CHSY3: variants seen among roughly 807,000 people sequenced by gnomAD.
CHSY3 encodes the protein chondroitin sulfate synthase 3.
Under a neutral mutation model 67.2 loss-of-function variants are expected in CHSY3, and 35 were observed. The ratio of observed to expected loss-of-function variants is 0.52; its 90% confidence interval spans 0.40 to 0.69. The LOEUF (loss-of-function observed/expected upper bound fraction) is 0.69. Ranked by LOEUF, CHSY3 falls within the 30% of genes least tolerant of loss-of-function variation. The probability of loss-of-function intolerance (pLI) is 0.00; values close to 1 mark genes in which losing one functional copy is unlikely to be tolerated. For missense variants in CHSY3, 1,069 were observed against 1,138.5 expected (o/e 0.94, Z 0.88); for synonymous variants, 474 against 434.7 (o/e 1.09, Z -1.12).
chr5:130,057,582 C>A (rs1003665901), intron 2 of CHSY3, among the ~76,000 whole-genome samples: 1 of 152,074 alleles, frequency 6.6e-6, no homozygotes, highest in Non-Finnish European at 1.5e-5. Context: ...CTGTTTGTAG[C>A]ATTTTTATTC....
rs1026061587 is a variant in CHSY3 at position 130,071,076 on chromosome 5, G to A, written c.1087-113153G>A. Among the ~76,000 whole-genome samples, 4 of 151,836 alleles carry A rather than the reference G, an allele frequency of 2.6e-5. No individual in the cohort carries two copies. The South Asian group carries it at 6.2e-4, about 24-fold the overall frequency. ...TAGTAATAGATAGAGATGTTTTTTCGAGATTATATCAGTTTAGCAGTGTGG... is the reference window on the plus strand; with the variant it reads ...TAGTAATAGATAGAGATGTTTTTTCAAGATTATATCAGTTTAGCAGTGTGG... On this transcript the variant is annotated intron_variant, in intron 2 of 2. Coordinates refer to ENST00000305031, the MANE Select transcript of CHSY3 (RefSeq NM_175856.5).
At chr5:130,002,092 T>C (rs1407389012) in intron 2 of CHSY3, 3 of 956,254 alleles carry the variant, frequency 3.1e-6, no homozygotes, top group Middle Eastern at 5.3e-4. Flanking sequence ...TAAACAAAGG[T>C]GGTGCTTGGT....
chr5:130,168,423 T>C (rs1031650439), intron 2 of CHSY3, among the ~76,000 whole-genome samples: 1 of 152,124 alleles, frequency 6.6e-6, no homozygotes, highest in Non-Finnish European at 1.5e-5. Context: ...AGTAAAGAGA[T>C]GGAGGACTCC....
chr5:129,922,104 G>T (rs1760944415), intron 2 of CHSY3, among the ~76,000 whole-genome samples: 1 of 152,074 alleles, frequency 6.6e-6, no homozygotes, highest in Non-Finnish European at 1.5e-5. Context: ...TCTGTATCTG[G>T]CTCATTTCAC....
chr5:130,061,233 A>T (rs1333383135), intron 2 of CHSY3, among the ~76,000 whole-genome samples: 3 of 152,192 alleles, frequency 2.0e-5, no homozygotes, highest in Non-Finnish European at 2.9e-5. Flanking sequence ...AATGGATCAG[A>T]ATGGAGAACC....
intron 2 of CHSY3, among the ~76,000 whole-genome samples, chr5:130,013,278 T>G (rs181912262): frequency 5.5e-4 from 83 of 152,262 alleles, no homozygotes; most frequent in African/African-American, 1.4e-3. Flanking sequence ...TGTAAGCTGT[T>G]GGTGGATCTA....
chr5:129,982,047 G>A (rs1285991919), intron 2 of CHSY3, among the ~76,000 whole-genome samples: 1 of 152,082 alleles, frequency 6.6e-6, no homozygotes, highest in African/African-American at 2.4e-5. Flanking sequence ...AGACAGATAT[G>A]AATTGGTTGT....
chr5:130,017,353 T>G (rs916703056), intron 2 of CHSY3, among the ~76,000 whole-genome samples: 7 of 152,256 alleles, frequency 4.6e-5, no homozygotes, highest in Admixed American at 3.3e-4. Flanking sequence ...AGATCCCCTG[T>G]CAAACTAGTC....
At chr5:130,165,164 T>G (rs1407966598) in intron 2 of CHSY3, among the ~76,000 whole-genome samples, 1 of 152,134 alleles carries the variant, frequency 6.6e-6, no homozygotes, top group African/African-American at 2.4e-5. Context: ...GAAAGATGCC[T>G]CATGTTGCAT....
chr5:130,053,193 C>T (rs1320545900), intron 2 of CHSY3, among the ~76,000 whole-genome samples: 1 of 151,816 alleles, frequency 6.6e-6, no homozygotes, highest in Admixed American at 6.6e-5. Flanking sequence ...AGTTAGTCTC[C>T]TGAAGGAGAA....
chr5:130,109,496 C>T lies in CHSY3; in HGVS notation c.1087-74733C>T, dbSNP rs972220156. On this transcript the variant is annotated intron_variant, in intron 2 of 2. Coordinates refer to ENST00000305031, the MANE Select transcript of CHSY3 (RefSeq NM_175856.5). ...AAATTAATACATTAGAAGCTAATTT[C>T]AGCAAGGAGAACTTCTAAAATCTTT... Among the ~76,000 whole-genome samples, 3 of 151,696 alleles carry T rather than the reference C, an allele frequency of 2.0e-5. No individual in the cohort carries two copies. The South Asian group carries it at 6.2e-4, about 31-fold the overall frequency.
chr5:130,086,670 G>C (rs1258156942), intron 2 of CHSY3, among the ~76,000 whole-genome samples: 1 of 152,098 alleles, frequency 6.6e-6, no homozygotes, highest in Non-Finnish European at 1.5e-5. Context: ...CAACCAGGAA[G>C]AAGTTGAATC....
intron 2 of CHSY3, among the ~76,000 whole-genome samples, chr5:130,061,038 T>A (rs1712195980): frequency 6.6e-6 from 1 of 152,094 alleles, no homozygotes; most frequent in African/African-American, 2.4e-5. Context: ...TTCAATATCA[T>A]TTTTCATAGA....
rs145991059 is a variant in CHSY3, at chr5:129,962,232, T to A, written c.1086+53872T>A. On this transcript the variant is annotated intron_variant, in intron 2 of 2. Coordinates refer to ENST00000305031, the MANE Select transcript of CHSY3 (RefSeq NM_175856.5). ...AACCTTCAGCATCAAGCCTTGCCTTTTCTTCTCTAATCTCAGCAAATGGTA... is the reference window on the plus strand; with the variant it reads ...AACCTTCAGCATCAAGCCTTGCCTTATCTTCTCTAATCTCAGCAAATGGTA... Among the ~76,000 whole-genome samples the A allele has an allele frequency of 3.4e-3, 515 of 152,100 alleles. 2 individuals are homozygous for A. The highest frequency in any genetic ancestry group is 5.1e-3 in the Admixed American group (78 of 15,246).
rs1459410554 is a variant in CHSY3, at chr5:130,089,725, T to C, written c.1087-94504T>C. On this transcript the variant is annotated intron_variant, in intron 2 of 2. Transcript: ENST00000305031. ...TCTCATATGTTTAGAAAACTGGATTTCTCTTATTTTGTTGTATGTGTATAA... is the reference window on the plus strand; with the variant it reads ...TCTCATATGTTTAGAAAACTGGATTCCTCTTATTTTGTTGTATGTGTATAA... 2.6e-5 allele frequency among the ~76,000 whole-genome samples: 4 copies of C among 152,296 alleles called. No homozygotes were observed. The East Asian group carries it at 7.7e-4, about 29-fold the overall frequency.
rs1041244563 is a variant in CHSY3, at chr5:130,063,531, C to T, written c.1087-120698C>T. On this transcript the variant is annotated intron_variant, in intron 2 of 2. Coordinates refer to ENST00000305031, the MANE Select transcript of CHSY3 (RefSeq NM_175856.5). ...TTCATTCCTCTTGAGAACCTTTCTT[C>T]GTTATTGTTGTCATTAAATAATTGA... Among the ~76,000 whole-genome samples the T allele has an allele frequency of 2.6e-5, 4 of 152,030 alleles. 1 individual carries two copies. The South Asian group carries it at 6.2e-4, about 24-fold the overall frequency.
At position 129,963,795 on chromosome 5, in the gene CHSY3, T is replaced by C. The variant is rs1259178002; in HGVS notation, c.1086+55435T>C. On this transcript the variant is annotated intron_variant, in intron 2 of 2. Coordinates refer to ENST00000305031, the MANE Select transcript of CHSY3 (RefSeq NM_175856.5). ...ATCTTGGGTCCTATATAATGTCAGTTTTTTTTTTCCTTTAAGAGTTTGAAA... is the reference window on the plus strand; with the variant it reads ...ATCTTGGGTCCTATATAATGTCAGTCTTTTTTTTCCTTTAAGAGTTTGAAA... Among the ~76,000 whole-genome samples, 3 of 151,162 alleles carry C rather than the reference T, an allele frequency of 2.0e-5. No individual in the cohort carries two copies. In the East Asian group the frequency reaches 5.9e-4, roughly 30 times the overall value.
intron 2 of CHSY3, among the ~76,000 whole-genome samples, chr5:130,030,242 G>A (rs537178630): frequency 6.6e-6 from 1 of 152,140 alleles, no homozygotes; most frequent in East Asian, 1.9e-4. Flanking sequence ...AAGTGTCATA[G>A]TTTTCTGGTT....
At chr5:129,944,658 C>T (rs529926530) in intron 2 of CHSY3, among the ~76,000 whole-genome samples, 1 of 152,206 alleles carries the variant, frequency 6.6e-6, no homozygotes, top group Non-Finnish European at 1.5e-5. Context: ...TTATTTTGAA[C>T]TGTTGACCAC....
Sources: gnomAD v4.1 joint callset for allele counts (sites outside exome capture counted in the v4.1 genomes callset) on GRCh38, gnomAD v4.1.1 for gene constraint, MANE v1.5 for transcripts, NCBI Gene and HGNC (gene_info 2026-07-23, HGNC 2026-07-21) for gene names.